LRMDA: variants seen among roughly 807,000 people sequenced by gnomAD.
LRMDA encodes leucine-rich melanocyte differentiation-associated protein.
In LRMDA, 18 loss-of-function variants were observed where a neutral mutation model predicts 29.8. The ratio of observed to expected loss-of-function variants is 0.60; its 90% CI spans 0.42 to 0.90. The LOEUF is 0.90. Ranked by LOEUF, LRMDA falls within the 40% of genes least tolerant of loss-of-function variation. The pLI is 0.00. For missense variants in LRMDA, 273 were observed against 273.9 expected (o/e 1.00, Z 0.02); for synonymous variants, 125 against 109.4 (o/e 1.14, Z -0.89).
intron 4 of LRMDA, 49 bp downstream of exon 4, chr10:76,047,352 C>G: frequency 6.5e-7 from 1 of 1,538,140 alleles, no homozygotes; most frequent in Non-Finnish European, 8.8e-7. Flanking sequence ...AAAAGAGAAA[C>G]TTTAGGGGAT....
chr10:76,395,075 A>G (rs566906119), intron 6 of LRMDA, among the ~76,000 whole-genome samples: 2 of 152,310 alleles, frequency 1.3e-5, no homozygotes, highest in South Asian at 4.1e-4. Flanking sequence ...TAAAGCTAGC[A>G]CATTCACCTG....
At chr10:75,449,459 G>A (rs762425516) in intron 2 of LRMDA, among the ~76,000 whole-genome samples, 1 of 151,796 alleles carries the variant, frequency 6.6e-6, no homozygotes, top group South Asian at 2.1e-4. Flanking sequence ...TTTTTTCTGT[G>A]TGTGGGAGAA....
At chr10:75,651,540 C>T (rs947237936) in intron 2 of LRMDA, among the ~76,000 whole-genome samples, 1 of 152,200 alleles carries the variant, frequency 6.6e-6, no homozygotes, top group Non-Finnish European at 1.5e-5. Context: ...ATATTAGCTC[C>T]TCTTAGGATC....
intron 5 of LRMDA, among the ~76,000 whole-genome samples, chr10:76,112,410 C>G (rs1026572743): frequency 1.3e-5 from 2 of 152,256 alleles, no homozygotes; most frequent in African/African-American, 4.8e-5. Context: ...GGCGCCGGCC[C>G]TCGTCACCCT....
chr10:75,828,172 A>G (rs1262469685), intron 2 of LRMDA, among the ~76,000 whole-genome samples: 1 of 152,158 alleles, frequency 6.6e-6, no homozygotes, highest in Non-Finnish European at 1.5e-5. Flanking sequence ...GCTCCCCAGG[A>G]AAAAAATGAT....
At chr10:76,490,574 T>C (rs1842824019) in intron 6 of LRMDA, among the ~76,000 whole-genome samples, 1 of 152,056 alleles carries the variant, frequency 6.6e-6, no homozygotes, top group Non-Finnish European at 1.5e-5. Flanking sequence ...TTGAAATCTA[T>C]TTTGTCTAAT....
chr10:76,013,770 C>T (rs1488733386), intron 2 of LRMDA, among the ~76,000 whole-genome samples: 1 of 152,002 alleles, frequency 6.6e-6, no homozygotes, highest in Non-Finnish European at 1.5e-5. Context: ...TATTTTCTTT[C>T]CTTTCAGAAT....
intron 2 of LRMDA, among the ~76,000 whole-genome samples, chr10:75,745,896 G>A (rs905109103): frequency 6.6e-6 from 1 of 152,194 alleles, no homozygotes; most frequent in African/African-American, 2.4e-5. Flanking sequence ...GGTTTCATAT[G>A]ATGTGTTATT....
chr10:75,462,014 A>G (rs115374871), intron 2 of LRMDA, among the ~76,000 whole-genome samples: 11 of 152,390 alleles, frequency 7.2e-5, no homozygotes, highest in African/African-American at 2.6e-4. Context: ...TTTTAATGAC[A>G]AATCAAGTAC....
At chr10:76,464,077 G>A (rs770795195) in intron 6 of LRMDA, among the ~76,000 whole-genome samples, 3 of 151,636 alleles carry the variant, frequency 2.0e-5, no homozygotes, top group East Asian at 1.9e-4. Flanking sequence ...GAACCACCAC[G>A]CCCAGCTAAT....
At chr10:76,012,836 T>A (rs752878738) in intron 2 of LRMDA, among the ~76,000 whole-genome samples, 3 of 152,188 alleles carry the variant, frequency 2.0e-5, no homozygotes, top group Non-Finnish European at 2.9e-5. Context: ...TATAAGCCCA[T>A]GCAGTCTCAA....
At chr10:75,589,676 ATC>A (rs1001061790) in intron 2 of LRMDA, among the ~76,000 whole-genome samples, 15 of 152,012 alleles carry the variant, frequency 9.9e-5, no homozygotes, top group African/African-American at 3.6e-4. Context: ...AGGTGGGAGG[ATC>A]TCTTGAGCCC....
intron 2 of LRMDA, among the ~76,000 whole-genome samples, chr10:75,890,326 T>C (rs1589242710): frequency 6.6e-6 from 1 of 152,324 alleles, no homozygotes; most frequent in Non-Finnish European, 1.5e-5. Context: ...ATATATGTGG[T>C]GGCTGATATT....
At chr10:76,469,408 C>A in intron 6 of LRMDA, among the ~76,000 whole-genome samples, 1 of 152,164 alleles carries the variant, frequency 6.6e-6, no homozygotes. Context: ...ACAGGTGAAG[C>A]TAACTGAGAA....
chr10:76,180,345 G>A (rs1417696553), intron 5 of LRMDA, among the ~76,000 whole-genome samples: 2 of 146,018 alleles, frequency 1.4e-5, no homozygotes, highest in Non-Finnish European at 3.0e-5. Context: ...GAGTGCAATG[G>A]CGTGATCTCT....
chr10:75,978,609 C>T (rs997162314), intron 2 of LRMDA, among the ~76,000 whole-genome samples: 8 of 152,112 alleles, frequency 5.3e-5, no homozygotes, highest in African/African-American at 1.7e-4. Context: ...TGGGTGTGGA[C>T]GCAGTGAACT....
chr10:75,936,659 G>A (rs1360158808), intron 2 of LRMDA, among the ~76,000 whole-genome samples: 1 of 152,104 alleles, frequency 6.6e-6, no homozygotes. Flanking sequence ...TAGGTTAGGT[G>A]TCTGGTGAGG....
At chr10:76,216,595 A>T (rs2132252400) in intron 5 of LRMDA, among the ~76,000 whole-genome samples, 1 of 152,326 alleles carries the variant, frequency 6.6e-6, no homozygotes, top group South Asian at 2.1e-4. Context: ...CTAGGGAATT[A>T]AAAAGGAAAT....
At chr10:75,478,774 C>T (rs1326988168) in intron 2 of LRMDA, among the ~76,000 whole-genome samples, 1 of 152,052 alleles carries the variant, frequency 6.6e-6, no homozygotes, top group Non-Finnish European at 1.5e-5. Context: ...AGATATTGTC[C>T]CACCTGTGTG....
Sources: gnomAD v4.1 joint callset for allele counts (sites outside exome capture counted in the v4.1 genomes callset) on GRCh38, gnomAD v4.1.1 for gene constraint, MANE v1.5 for transcripts, NCBI Gene and HGNC (gene_info 2026-07-23, HGNC 2026-07-21) for gene names.